Variants in SEMA3C observed in about 807,000 individuals in gnomAD.
SEMA3C encodes semaphorin 3C, also known as semaphorin-3C.
Under a neutral mutation model 89.4 loss-of-function variants are expected in SEMA3C, and 47 were observed. The ratio of observed to expected loss-of-function variants is 0.53; its 90% CI spans 0.42 to 0.67. The LOEUF (loss-of-function observed/expected upper bound fraction) is 0.67, where lower values mean the gene tolerates loss of function less well. Among genes scored for constraint, SEMA3C ranks in the 30% least tolerant of loss-of-function variants. The probability of loss-of-function intolerance (pLI) is 0.00; values close to 1 mark genes in which losing one functional copy is unlikely to be tolerated. For synonymous variants in SEMA3C, 310 were observed against 320.2 expected, an observed-to-expected ratio of 0.97 and a Z score of 0.34; for missense variants, 839 against 929.1, an observed-to-expected ratio of 0.90 and a Z score of 1.26.
chr7:80,852,293 A>G (rs1790532420), intron 2 of SEMA3C, among the ~76,000 whole-genome samples: 1 of 152,220 alleles, frequency 6.6e-6, no homozygotes, highest in Admixed American at 6.5e-5. Flanking sequence ...TATTCATGTT[A>G]CTAGTTTGAA....
At chr7:80,882,543 T>G (rs1162307897) in intron 2 of SEMA3C, among the ~76,000 whole-genome samples, 2 of 151,198 alleles carry the variant, frequency 1.3e-5, no homozygotes, top group Non-Finnish European at 2.9e-5. Context: ...ATAATAGGTA[T>G]TCACTGAGCA....
intron 7 of SEMA3C, 134 bp from the exon 8 acceptor site, chr7:80,804,382 T>G: frequency 2.0e-6 from 1 of 507,696 alleles, no homozygotes; most frequent in Non-Finnish European, 3.3e-6. Context: ...GGCACATTTC[T>G]AAAAGCAGTA....
chr7:80,802,441 A>T (rs1789231409), intron 9 of SEMA3C, among the ~76,000 whole-genome samples: 1 of 152,182 alleles, frequency 6.6e-6, no homozygotes, highest in South Asian at 2.1e-4. Context: ...TTCATATATT[A>T]TGGTGAATTC....
chr7:80,863,821 ATG>A (rs1338104824), intron 2 of SEMA3C, among the ~76,000 whole-genome samples: 1 of 146,746 alleles, frequency 6.8e-6, no homozygotes, highest in South Asian at 2.1e-4. Flanking sequence ...ATACATATAT[ATG>A]TGATATGTGA....
chr7:80,876,165 T>G (rs1791197785), intron 2 of SEMA3C, among the ~76,000 whole-genome samples: 1 of 152,216 alleles, frequency 6.6e-6, no homozygotes, highest in Non-Finnish European at 1.5e-5. Context: ...AAAAAGGGAC[T>G]ACTGTATTAA....
At chr7:80,748,574 C>T (rs540435802) in intron 17 of SEMA3C, among the ~76,000 whole-genome samples, 1 of 152,222 alleles carries the variant, frequency 6.6e-6, no homozygotes, top group Non-Finnish European at 1.5e-5. Context: ...CACAAAGGTG[C>T]CGTTGTGTGA....
chr7:80,915,489 G>C (rs1239487931), intron 2 of SEMA3C, among the ~76,000 whole-genome samples: 29 of 152,246 alleles, frequency 1.9e-4, no homozygotes, highest in Non-Finnish European at 1.5e-5. Context: ...GGCCAGGCGT[G>C]GTGGCTCACC....
chr7:80,863,825 G>GATATGTATAT (rs1554383117), intron 2 of SEMA3C, among the ~76,000 whole-genome samples: 1 of 103,498 alleles, frequency 9.7e-6, no homozygotes, highest in Non-Finnish European at 1.8e-5. Context: ...ATATATATGT[G>GATATGTATAT]ATATGTGATA....
In SEMA3C at chr7:80,863,884, T is replaced by TACATATCACAC. The variant is rs1347195564; in HGVS notation, c.104-35140_104-35139insGTGTGATATGT. On this transcript the variant is annotated intron_variant, in intron 2 of 17. Transcript: ENST00000265361. Reference sequence around the variant, plus strand: ...ATGTATCACATATATATGTATCACATATATATCACACATATATTACATATA... The same window carrying TACATATCACAC: ...ATGTATCACATATATATGTATCACATACATATCACACATATATCACACATATATTACATATA... Among the ~76,000 whole-genome samples, 27 of 120,316 alleles carry TACATATCACAC rather than the reference T, an allele frequency of 2.2e-4. 1 individual carries two copies. Among genetic ancestry groups the TACATATCACAC allele is most frequent in the Non-Finnish European group, 3.0e-4 (18 of 60,632 alleles). The allele number at this position is 120,316 out of a possible 152,430, so 78.9% of individuals were successfully genotyped here.
chr7:80,795,126 T>G (rs1271896274), intron 11 of SEMA3C, among the ~76,000 whole-genome samples: 1 of 152,172 alleles, frequency 6.6e-6, no homozygotes, highest in Non-Finnish European at 1.5e-5. Flanking sequence ...AGCAACATTC[T>G]TAACCTTAGA....
At chr7:80,921,582 T>G (rs1792409956), upstream of SEMA3C, among the ~76,000 whole-genome samples, 1 of 152,200 alleles carries the variant, frequency 6.6e-6, no homozygotes, top group South Asian at 2.1e-4. Flanking sequence ...AAACAACAGC[T>G]AATTGAGAAC....
At chr7:80,919,281 C>T, upstream of SEMA3C, 13 of 984,030 alleles carry the variant, frequency 1.3e-5, no homozygotes, top group Non-Finnish European at 1.4e-5. Context: ...GAGCTCGCGG[C>T]TGGCCAGACG....
intron 2 of SEMA3C, among the ~76,000 whole-genome samples, chr7:80,897,562 T>C (rs189581383): frequency 1.3e-5 from 2 of 152,020 alleles, no homozygotes; most frequent in East Asian, 1.9e-4. Flanking sequence ...ATAGGAAACA[T>C]AGAAAATAGT....
At chr7:80,883,302 T>C (rs1791396491) in intron 2 of SEMA3C, among the ~76,000 whole-genome samples, 1 of 152,118 alleles carries the variant, frequency 6.6e-6, no homozygotes, top group African/African-American at 2.4e-5. Flanking sequence ...ACACATGGAA[T>C]TTAGATTCTG....
intron 15 of SEMA3C, among the ~76,000 whole-genome samples, chr7:80,754,957 G>GTTTTTTTTTTTTTGTTTTTTTTGT: frequency 9.2e-6 from 1 of 108,390 alleles, no homozygotes; most frequent in African/African-American, 3.5e-5. Flanking sequence ...GTTTTTTTTT[G>GTTTTTTTTTTTTTGTTTTTTTTGT]TTTTTTTTTT....
At chr7:80,772,447 G>C (rs1788455061) in intron 12 of SEMA3C, among the ~76,000 whole-genome samples, 1 of 152,170 alleles carries the variant, frequency 6.6e-6, no homozygotes, top group Non-Finnish European at 1.5e-5. Flanking sequence ...ACGTTTAGCA[G>C]GGTTTCTCAC....
chr7:80,805,800 C>G (rs760433114), intron 6 of SEMA3C, 42 bp from the exon 7 acceptor site: 2 of 1,491,060 alleles, frequency 1.3e-6, no homozygotes, highest in East Asian at 4.6e-5. Context: ...ATTTTTAAAG[C>G]TATTTTGAAA....
intron 2 of SEMA3C, among the ~76,000 whole-genome samples, chr7:80,842,900 A>G (rs1254652060): frequency 6.6e-6 from 1 of 152,064 alleles, no homozygotes; most frequent in Non-Finnish European, 1.5e-5. Flanking sequence ...TAATTTTAAA[A>G]CTCTGCAAGC....
intron 15 of SEMA3C, among the ~76,000 whole-genome samples, chr7:80,755,280 T>G (rs1023073480): frequency 2.6e-5 from 4 of 151,088 alleles, no homozygotes; most frequent in Non-Finnish European, 5.9e-5. Flanking sequence ...TAAGCACACA[T>G]CTTAGAAAGG....
Sources: gnomAD v4.1 joint callset for allele counts (sites outside exome capture counted in the v4.1 genomes callset) on GRCh38, gnomAD v4.1.1 for gene constraint, MANE v1.5 for transcripts, NCBI Gene and HGNC (gene_info 2026-07-23, HGNC 2026-07-21) for gene names.